The following KLHL32 variants were observed in gnomAD, a reference collection of about 807,000 sequenced individuals.
KLHL32 encodes kelch-like protein 32.
In KLHL32, 35 loss-of-function variants were observed where a neutral mutation model predicts 64.8. The ratio of observed to expected loss-of-function variants is 0.54; its 90% confidence interval spans 0.41 to 0.72. KLHL32 has a LOEUF of 0.72. Ranked by LOEUF, KLHL32 falls within the 30% of genes least tolerant of loss-of-function variation. The pLI is 0.00. For missense variants in KLHL32, 589 were observed against 768.5 expected (o/e 0.77, Z 2.76); for synonymous variants, 259 against 281.0 (o/e 0.92, Z 0.78).
At chr6:96,984,328 G>A (rs940933279) in intron 3 of KLHL32, among the ~76,000 whole-genome samples, 4 of 152,162 alleles carry the variant, frequency 2.6e-5, no homozygotes, top group Non-Finnish European at 5.9e-5. Context: ...AATAAGTGCA[G>A]TGTGGCACTG....
chr6:97,003,497 A>AT (rs1779296361), intron 3 of KLHL32, among the ~76,000 whole-genome samples: 3 of 151,984 alleles, frequency 2.0e-5, no homozygotes. Flanking sequence ...TATTTAGTTT[A>AT]ATTAGTCATT....
At chr6:96,902,966 G>A in the KLHL32 span, among the ~76,000 whole-genome samples, 1 of 152,002 alleles carries the variant, frequency 6.6e-6, no homozygotes, top group Non-Finnish European at 1.5e-5. Context: ...TCTTGTACCA[G>A]TACCATGCTG....
the KLHL32 span, among the ~76,000 whole-genome samples, chr6:96,915,326 C>T: frequency 7.9e-5 from 12 of 151,918 alleles, no homozygotes; most frequent in East Asian, 1.9e-3. Flanking sequence ...GTAAAAGGCA[C>T]AAAAAAAGAT....
chr6:96,912,100 C>T, the KLHL32 span, among the ~76,000 whole-genome samples: 2 of 152,040 alleles, frequency 1.3e-5, no homozygotes, highest in African/African-American at 4.8e-5. Flanking sequence ...TCATCTTCCC[C>T]CGACAAACCT....
chr6:97,092,699 C>T (rs1794437152), intron 6 of KLHL32, among the ~76,000 whole-genome samples: 1 of 152,180 alleles, frequency 6.6e-6, no homozygotes, highest in African/African-American at 2.4e-5. Flanking sequence ...TTAATCTTTC[C>T]TTCTAATCTA....
chr6:97,014,074 T>A (rs1206096), intron 3 of KLHL32, among the ~76,000 whole-genome samples: 56,469 of 151,770 alleles, frequency 0.37, 12,097 homozygotes, highest in African/African-American at 0.56. Context: ...TGGGAGGCCG[T>A]GGCGGGCGGA....
chr6:97,112,453 T>TC (rs1246645644), intron 6 of KLHL32, among the ~76,000 whole-genome samples: 1 of 152,122 alleles, frequency 6.6e-6, no homozygotes, highest in Non-Finnish European at 1.5e-5. Flanking sequence ...TTGATGATTT[T>TC]TTTTTTTTCC....
intron 3 of KLHL32, among the ~76,000 whole-genome samples, chr6:96,984,239 C>A (rs1278337286): frequency 6.6e-6 from 1 of 152,100 alleles, no homozygotes; most frequent in Non-Finnish European, 1.5e-5. Flanking sequence ...ACTGTGGTCT[C>A]AGAGACAGTT....
chr6:97,065,200 G>A (rs1789545573), intron 5 of KLHL32, among the ~76,000 whole-genome samples: 1 of 152,168 alleles, frequency 6.6e-6, no homozygotes, highest in Admixed American at 6.5e-5. Context: ...TGCCGGAGAA[G>A]GGATGAGTAA....
chr6:97,058,232 G>A (rs1281203528), intron 4 of KLHL32, among the ~76,000 whole-genome samples: 3 of 152,056 alleles, frequency 2.0e-5, no homozygotes, highest in African/African-American at 4.8e-5. Context: ...TGGGTCTTTT[G>A]CTTCTTCATA....
the KLHL32 span, among the ~76,000 whole-genome samples, chr6:96,916,847 G>A: frequency 2.0e-5 from 3 of 152,096 alleles, no homozygotes; most frequent in African/African-American, 7.2e-5. Context: ...CACGTTTATA[G>A]TGCTATTTTT....
At chr6:97,085,667 CA>C (rs970666923) in intron 6 of KLHL32, among the ~76,000 whole-genome samples, 97 of 152,066 alleles carry the variant, frequency 6.4e-4, no homozygotes, top group African/African-American at 2.2e-3. Context: ...CAAAATATGA[CA>C]AAAAAATGGA....
At chr6:96,976,240 AACTGTC>A (rs1775677183) in intron 3 of KLHL32, 63 bp downstream of exon 3, 1 of 1,423,030 alleles carries the variant, frequency 7.0e-7, no homozygotes, top group Non-Finnish European at 9.5e-7. Context: ...ATGTTTCCCA[AACTGTC>A]ACTAAACCAG....
intron 4 of KLHL32, among the ~76,000 whole-genome samples, chr6:97,055,804 A>AG: frequency 8.0e-6 from 1 of 124,952 alleles, no homozygotes. Flanking sequence ...TCTAAAAAAA[A>AG]AAAAAAAAAA....
At chr6:97,027,683 C>G (rs1223538593) in intron 3 of KLHL32, among the ~76,000 whole-genome samples, 2 of 152,218 alleles carry the variant, frequency 1.3e-5, no homozygotes, top group Non-Finnish European at 2.9e-5. Flanking sequence ...AATCCACTTT[C>G]TTTCTTTTGA....
intron 5 of KLHL32, among the ~76,000 whole-genome samples, chr6:97,083,841 C>T (rs1416180051): frequency 6.6e-6 from 1 of 152,166 alleles, no homozygotes; most frequent in East Asian, 1.9e-4. Flanking sequence ...TTGCTTCCCA[C>T]CTTCCCCCAT....
rs1033312181 is a variant in KLHL32 at position 97,075,651 on chromosome 6, C to G, written c.412-9475C>G. On this transcript the variant is annotated intron_variant, in intron 5 of 10. Coordinates refer to ENST00000369261, the MANE Select transcript of KLHL32 (RefSeq NM_052904.4). ...CTGTTCCAAAGGCCAGACCTTACCGCACATCCACACCAGCCCCCTTTATGT... is the reference window on the plus strand; with the variant it reads ...CTGTTCCAAAGGCCAGACCTTACCGGACATCCACACCAGCCCCCTTTATGT... Among the ~76,000 whole-genome samples the G allele has an allele frequency of 3.3e-5, 5 of 152,224 alleles. 1 individual carries two copies. The South Asian group carries it at 1.0e-3, about 32-fold the overall frequency.
At chr6:96,964,225 C>T (rs1276631896) in intron 1 of KLHL32, among the ~76,000 whole-genome samples, 2 of 152,158 alleles carry the variant, frequency 1.3e-5, no homozygotes, top group African/African-American at 2.4e-5. Context: ...TAGGGGAAAA[C>T]AGCCTTGGGT....
At chr6:97,076,048 C>T (rs983365278) in intron 5 of KLHL32, among the ~76,000 whole-genome samples, 2 of 152,102 alleles carry the variant, frequency 1.3e-5, no homozygotes, top group African/African-American at 4.8e-5. Flanking sequence ...CTCCCCCATC[C>T]GTAGATTTCT....
Sources: allele counts gnomAD v4.1 joint callset (sites outside exome capture counted in the v4.1 genomes callset), GRCh38; gene constraint gnomAD v4.1.1; transcripts MANE v1.5; gene names NCBI Gene and HGNC (gene_info 2026-07-23, HGNC 2026-07-21).